Variants in SLC4A10 observed in about 807,000 individuals in gnomAD.
SLC4A10 encodes the protein sodium-driven chloride bicarbonate exchanger.
A neutral mutation model predicts 137.7 loss-of-function variants in SLC4A10; 42 were observed. That is an observed-to-expected ratio of 0.30 (90% CI 0.24 to 0.39). The LOEUF (loss-of-function observed/expected upper bound fraction) is 0.39. Among genes scored for constraint, SLC4A10 ranks in the 10% least tolerant of loss-of-function variants. The probability of loss-of-function intolerance (pLI) is 1.00; values close to 1 mark genes in which losing one functional copy is unlikely to be tolerated. For missense variants in SLC4A10, 925 were observed against 1,355.0 expected, an observed-to-expected ratio of 0.68 and a Z score of 4.98; for synonymous variants, 474 against 464.1, an observed-to-expected ratio of 1.02 and a Z score of -0.27.
chr2:161,753,424 A>G (rs1302151987), intron 1 of SLC4A10, among the ~76,000 whole-genome samples: 3 of 152,156 alleles, frequency 2.0e-5, no homozygotes, highest in Non-Finnish European at 4.4e-5. Context: ...TGAAGATTTA[A>G]ATTTAGCCAA....
chr2:161,924,555 G>A (rs929542152), intron 15 of SLC4A10, among the ~76,000 whole-genome samples: 8 of 152,008 alleles, frequency 5.3e-5, no homozygotes, highest in Admixed American at 4.6e-4. Flanking sequence ...ATTTATTTAT[G>A]TCATATATAA....
At chr2:161,971,226 G>A (rs1334753895) in intron 23 of SLC4A10, among the ~76,000 whole-genome samples, 2 of 152,228 alleles carry the variant, frequency 1.3e-5, no homozygotes, top group Non-Finnish European at 2.9e-5. Context: ...ATATTTGAGT[G>A]TTCTGGAGTA....
At chr2:161,696,206 T>A (rs1317337474) in intron 1 of SLC4A10, among the ~76,000 whole-genome samples, 1 of 152,096 alleles carries the variant, frequency 6.6e-6, no homozygotes, top group East Asian at 1.9e-4. Context: ...AATGATGGTT[T>A]CCAGCTTCAT....
intron 15 of SLC4A10, among the ~76,000 whole-genome samples, chr2:161,921,232 C>G (rs1470660447): frequency 1.3e-5 from 2 of 152,204 alleles, no homozygotes; most frequent in African/African-American, 4.8e-5. Context: ...TTCTCTCTCT[C>G]TCTTCATTGT....
intron 15 of SLC4A10, among the ~76,000 whole-genome samples, chr2:161,931,967 T>C (rs1387191509): frequency 1.3e-5 from 2 of 152,230 alleles, no homozygotes; most frequent in Non-Finnish European, 2.9e-5. Context: ...TAGTTCTCTC[T>C]TATTATAACA....
intron 15 of SLC4A10, among the ~76,000 whole-genome samples, chr2:161,937,731 A>G (rs1691838111): frequency 1.3e-5 from 2 of 152,200 alleles, no homozygotes; most frequent in Non-Finnish European, 2.9e-5. Context: ...TATTGAGTTA[A>G]TTAAGCATTG....
chr2:161,727,483 A>C (rs754122746), intron 1 of SLC4A10, among the ~76,000 whole-genome samples: 3 of 152,216 alleles, frequency 2.0e-5, no homozygotes, highest in Admixed American at 2.0e-4. Flanking sequence ...ATACATTAGG[A>C]AAAAGAAATA....
intron 2 of SLC4A10, among the ~76,000 whole-genome samples, chr2:161,776,101 T>C (rs1375525322): frequency 6.6e-6 from 1 of 151,934 alleles, no homozygotes; most frequent in Non-Finnish European, 1.5e-5. Context: ...TACTAGTTAG[T>C]CGAGTTTGAA....
chr2:161,656,268 C>A (rs1220109565), intron 1 of SLC4A10, among the ~76,000 whole-genome samples: 2 of 152,140 alleles, frequency 1.3e-5, no homozygotes, highest in African/African-American at 2.4e-5. Flanking sequence ...AAGCATTTGA[C>A]AAAATTTGAC....
At chr2:161,785,915 A>G (rs1045674093) in intron 2 of SLC4A10, among the ~76,000 whole-genome samples, 1 of 151,924 alleles carries the variant, frequency 6.6e-6, no homozygotes, top group African/African-American at 2.4e-5. Context: ...TGGAATGTTC[A>G]GTAGATGTTT....
Position 161,983,396 on chromosome 2 carries a change from T to A in SLC4A10, c.*244T>A. 1.5e-6 allele frequency: 1 copy of A among 671,712 alleles called. No homozygotes were observed. Among genetic ancestry groups the A allele is most frequent in the Non-Finnish European group, 2.5e-6 (1 of 404,120 alleles). The allele number at this position is 671,712 out of a possible 1,614,324, so 41.6% of individuals were successfully genotyped here. ...GCAATACTTGTTTCATTTCTGTGTT[T>A]AAACTTCTGAGCAGTGAGACATCCC... On this transcript the variant is annotated 3_prime_UTR_variant, in exon 27 of 27. Transcript: ENST00000446997.
At chr2:161,744,791 CTAT>C (rs1263273736) in intron 1 of SLC4A10, among the ~76,000 whole-genome samples, 3 of 152,022 alleles carry the variant, frequency 2.0e-5, no homozygotes, top group African/African-American at 7.2e-5. Flanking sequence ...TTATTTCTTA[CTAT>C]GTCATCTATG....
intron 1 of SLC4A10, chr2:161,708,937 CT>C: frequency 7.9e-7 from 1 of 1,271,898 alleles, no homozygotes; most frequent in Non-Finnish European, 1.1e-6. Context: ...TATTGTCAGA[CT>C]TTCCTTAGGA....
chr2:161,717,251 T>A (rs1413323458), intron 1 of SLC4A10, among the ~76,000 whole-genome samples: 1 of 152,124 alleles, frequency 6.6e-6, no homozygotes, highest in Non-Finnish European at 1.5e-5. Context: ...AAAGACAATT[T>A]GATTTCTTCT....
At chr2:161,884,930 CA>C (rs139170288) in intron 10 of SLC4A10, among the ~76,000 whole-genome samples, 10,398 of 152,206 alleles carry the variant, frequency 0.068, 454 homozygotes, top group East Asian at 0.13. Context: ...GTAATCCCAG[CA>C]CTTTGGGAGG....
chr2:161,652,298 C>G (rs966929475), intron 1 of SLC4A10, among the ~76,000 whole-genome samples: 1 of 152,096 alleles, frequency 6.6e-6, no homozygotes, highest in African/African-American at 2.4e-5. Context: ...ATGCATATTT[C>G]TTTTACACGT....
chr2:161,827,530 C>A, intron 3 of SLC4A10, among the ~76,000 whole-genome samples: 1 of 152,180 alleles, frequency 6.6e-6, no homozygotes, highest in South Asian at 2.1e-4. Flanking sequence ...ACCATCACCC[C>A]CTATCTCTAA....
At chr2:161,643,418 A>G (rs1375523976) in intron 1 of SLC4A10, among the ~76,000 whole-genome samples, 1 of 152,162 alleles carries the variant, frequency 6.6e-6, no homozygotes, top group Non-Finnish European at 1.5e-5. Flanking sequence ...TGAATTACAC[A>G]TGCCAATAAA....
intron 1 of SLC4A10, among the ~76,000 whole-genome samples, chr2:161,662,215 C>A (rs73971348): frequency 0.033 from 4,957 of 151,990 alleles, 270 homozygotes; most frequent in African/African-American, 0.11. Flanking sequence ...ATTTTTTCTA[C>A]GGTAAAAAAA....
Sources: gnomAD v4.1 joint callset for allele counts (sites outside exome capture counted in the v4.1 genomes callset) on GRCh38, gnomAD v4.1.1 for gene constraint, MANE v1.5 for transcripts, NCBI Gene and HGNC (gene_info 2026-07-23, HGNC 2026-07-21) for gene names.